LINGO2: variants seen among roughly 807,000 people sequenced by gnomAD.
LINGO2 encodes leucine rich repeat and Ig domain containing 2, also known as leucine-rich repeat and immunoglobulin-like domain-containing nogo receptor-interacting protein 2.
A neutral mutation model predicts 30.6 loss-of-function variants in LINGO2; 14 were observed. That is an observed-to-expected ratio of 0.46 (90% CI 0.30 to 0.72). The LOEUF is 0.72. LINGO2 is among the 30% of genes least tolerant of loss of function. LINGO2 has a pLI of 0.07. For missense variants in LINGO2, 729 were observed against 751.7 expected (o/e 0.97, Z 0.35); for synonymous variants, 317 against 288.5 (o/e 1.10, Z -1.00).
At chr9:28,847,568 T>A in the LINGO2 span, among the ~76,000 whole-genome samples, 1 of 146,482 alleles carries the variant, frequency 6.8e-6, no homozygotes, top group Non-Finnish European at 1.5e-5. Flanking sequence ...TTGAACTGAT[T>A]TTCTGCTTTG....
chr9:29,187,514 T>C, the LINGO2 span, among the ~76,000 whole-genome samples: 2 of 152,228 alleles, frequency 1.3e-5, no homozygotes, highest in Non-Finnish European at 2.9e-5. Context: ...CATAGAAATA[T>C]CTAACAGTTC....
At chr9:28,589,937 A>T (rs1019215931) in intron 1 of LINGO2, among the ~76,000 whole-genome samples, 4 of 152,214 alleles carry the variant, frequency 2.6e-5, no homozygotes, top group Non-Finnish European at 5.9e-5. Context: ...AACAGCATGG[A>T]ACTGGAGACC....
chr9:28,697,237 C>G, the LINGO2 span, among the ~76,000 whole-genome samples: 1 of 151,938 alleles, frequency 6.6e-6, no homozygotes, highest in Admixed American at 6.6e-5. Flanking sequence ...GCTCTGCCCT[C>G]ATTTCCTCTT....
At chr9:28,184,191 G>C (rs1234624412) in intron 4 of LINGO2, among the ~76,000 whole-genome samples, 1 of 152,168 alleles carries the variant, frequency 6.6e-6, no homozygotes, top group Non-Finnish European at 1.5e-5. Flanking sequence ...AATGGGAAAA[G>C]GGGAGGTAGG....
At chr9:29,011,598 A>G in the LINGO2 span, among the ~76,000 whole-genome samples, 6 of 152,332 alleles carry the variant, frequency 3.9e-5, no homozygotes, top group African/African-American at 1.4e-4. Flanking sequence ...TCACCAAGGC[A>G]TTATCAATTT....
chr9:28,797,489 G>A, the LINGO2 span, among the ~76,000 whole-genome samples: 2 of 150,014 alleles, frequency 1.3e-5, no homozygotes, highest in Non-Finnish European at 1.5e-5. Context: ...TTAGATATTG[G>A]ATGTATTCTT....
At chr9:28,090,184 A>T (rs1157349800) in intron 4 of LINGO2, among the ~76,000 whole-genome samples, 6 of 152,198 alleles carry the variant, frequency 3.9e-5, no homozygotes, top group Admixed American at 3.9e-4. Context: ...ATCAATAGAA[A>T]AAGAGGGAGT....
At chr9:28,563,453 T>A (rs1235767660) in intron 1 of LINGO2, among the ~76,000 whole-genome samples, 1 of 152,062 alleles carries the variant, frequency 6.6e-6, no homozygotes, top group Non-Finnish European at 1.5e-5. Flanking sequence ...AAAAGAATAA[T>A]CCTCTCTAAA....
the LINGO2 span, among the ~76,000 whole-genome samples, chr9:29,211,989 A>ACT: frequency 1.3e-5 from 2 of 151,256 alleles, no homozygotes; most frequent in Non-Finnish European, 3.0e-5. Flanking sequence ...GACCCTATAG[A>ACT]CTCTCTCTCA....
At chr9:28,964,873 T>C in the LINGO2 span, among the ~76,000 whole-genome samples, 830 of 152,052 alleles carry the variant, frequency 5.5e-3, 10 homozygotes, top group African/African-American at 0.019. Flanking sequence ...TGGTCTAAGA[T>C]AGGGAAGGAA....
chr9:28,605,048 C>T (rs1825642749), intron 1 of LINGO2, among the ~76,000 whole-genome samples: 1 of 151,908 alleles, frequency 6.6e-6, no homozygotes, highest in Non-Finnish European at 1.5e-5. Context: ...AGTTCTTAGC[C>T]ACTAAACTTG....
At chr9:29,055,439 A>T in the LINGO2 span, among the ~76,000 whole-genome samples, 2 of 152,174 alleles carry the variant, frequency 1.3e-5, no homozygotes, top group Non-Finnish European at 2.9e-5. Flanking sequence ...CATTTTTTGT[A>T]GTCATTTGTC....
At chr9:28,535,490 G>A (rs979898256) in intron 1 of LINGO2, among the ~76,000 whole-genome samples, 1 of 151,926 alleles carries the variant, frequency 6.6e-6, no homozygotes, top group Admixed American at 6.6e-5. Flanking sequence ...AAGGAAGCCT[G>A]ATATATATTG....
At chr9:28,799,960 A>G in the LINGO2 span, among the ~76,000 whole-genome samples, 1 of 152,116 alleles carries the variant, frequency 6.6e-6, no homozygotes, top group East Asian at 1.9e-4. Flanking sequence ...ATAATCATTT[A>G]GCAAAAAACT....
chr9:29,144,049 G>A, the LINGO2 span, among the ~76,000 whole-genome samples: 24,167 of 151,916 alleles, frequency 0.16, 2,024 homozygotes, highest in East Asian at 0.34. Flanking sequence ...TGCTTGTTTT[G>A]GTCAGATTCG....
chr9:28,072,902 C>T (rs1037350171), intron 4 of LINGO2, among the ~76,000 whole-genome samples: 10 of 151,978 alleles, frequency 6.6e-5, no homozygotes, highest in East Asian at 5.8e-4. Context: ...ATGCCATCTG[C>T]GGTTTTCTCT....
At chr9:28,421,970 T>C (rs1455939234) in intron 2 of LINGO2, among the ~76,000 whole-genome samples, 1 of 152,062 alleles carries the variant, frequency 6.6e-6, no homozygotes, top group East Asian at 1.9e-4. Context: ...AGAATGAAGA[T>C]GGACCCTTAC....
the LINGO2 span, chr9:27,938,543 A>G: frequency 6.6e-6 from 1 of 152,188 alleles, no homozygotes; most frequent in African/African-American, 2.4e-5. Context: ...CTCTCACTCC[A>G]GATCCTTGTC....
At chr9:28,969,574 G>A in the LINGO2 span, among the ~76,000 whole-genome samples, 1 of 152,146 alleles carries the variant, frequency 6.6e-6, no homozygotes, top group Non-Finnish European at 1.5e-5. Context: ...AACAGGTAGA[G>A]GTGAAAGCAG....
Sources: gnomAD v4.1 joint callset for allele counts (sites outside exome capture counted in the v4.1 genomes callset) on GRCh38, gnomAD v4.1.1 for gene constraint, MANE v1.5 for transcripts, NCBI Gene and HGNC (gene_info 2026-07-23, HGNC 2026-07-21) for gene names.